The following FBXL20 variants were observed in gnomAD, a reference collection of about 807,000 sequenced individuals.
FBXL20 encodes F-box/LRR-repeat protein 20.
A neutral mutation model predicts 64.0 loss-of-function variants in FBXL20; 11 were observed. The observed-to-expected ratio is 0.17, with a 90% confidence interval of 0.11 to 0.28. FBXL20 has a LOEUF of 0.28. FBXL20 is among the 10% of genes least tolerant of loss of function. The pLI, the probability that FBXL20 is intolerant of heterozygous loss-of-function variation, is 1.00. For missense variants in FBXL20, 303 were observed against 526.2 expected (o/e 0.58, Z 4.15); for synonymous variants, 184 against 189.0 (o/e 0.97, Z 0.22).
At chr17:39,286,952 G>A (rs1182378349) in intron 6 of FBXL20, among the ~76,000 whole-genome samples, 3 of 123,618 alleles carry the variant, frequency 2.4e-5, no homozygotes, top group South Asian at 2.5e-4. Context: ...TGTTCTTGTC[G>A]CTCAGGCTGG....
Position 39,297,234 on chromosome 17 carries a change from G to A in FBXL20, c.330-39C>T, listed in dbSNP as rs551095836. 10 of 1,281,760 alleles carry A rather than the reference G, an allele frequency of 7.8e-6. No homozygotes were observed. In the South Asian group the frequency reaches 1.0e-4, roughly 13 times the overall value. 79.4% of individuals were successfully genotyped at this position (1,281,760 alleles called of 1,614,324 possible). A position where few individuals can be genotyped will look rare whatever the true frequency, so the allele number is the denominator to read the frequency against. Reference sequence around the variant, plus strand: ...AAAGTAAGAGGTTTCAAATGAAATAGGCCAAATTCCAGTCATTAAAAAAGT... The same window carrying A: ...AAAGTAAGAGGTTTCAAATGAAATAAGCCAAATTCCAGTCATTAAAAAAGT... On this transcript the variant is annotated intron_variant, in intron 5 of 14. Coordinates refer to ENST00000264658, the MANE Select transcript of FBXL20 (RefSeq NM_032875.3).
At chr17:39,376,201 C>A (rs2047965613) in intron 1 of FBXL20, among the ~76,000 whole-genome samples, 1 of 152,130 alleles carries the variant, frequency 6.6e-6, no homozygotes, top group Non-Finnish European at 1.5e-5. Context: ...TCCCAAAGAA[C>A]TGTAATGATT....
chr17:39,306,937 C>G (rs866643218), intron 2 of FBXL20, among the ~76,000 whole-genome samples: 1 of 152,134 alleles, frequency 6.6e-6, no homozygotes, highest in African/African-American at 2.4e-5. Context: ...AGCAAGACAC[C>G]AGCAAGGGAC....
At chr17:39,285,889 G>A (rs528381533) in intron 6 of FBXL20, among the ~76,000 whole-genome samples, 1 of 152,174 alleles carries the variant, frequency 6.6e-6, no homozygotes, top group African/African-American at 2.4e-5. Flanking sequence ...TATGCATTTT[G>A]CAAATCCAGA....
In FBXL20 at chr17:39,266,223, G is replaced by GTT. The variant is rs35541270; in HGVS notation, c.934-772_934-771dup. ...AGCTGGGATTACAGGCTAGTTTGTTGTTTTTTTTTTTTTTTGGAGATAGTC... is the reference window on the plus strand; with the variant it reads ...AGCTGGGATTACAGGCTAGTTTGTTGTTTTTTTTTTTTTTTTTGGAGATAGTC... On this transcript the variant is annotated intron_variant, in intron 12 of 14. Transcript: ENST00000264658. 4.3e-3 allele frequency among the ~76,000 whole-genome samples: 470 copies of GTT among 110,238 alleles called. 13 individuals carry two copies. Among genetic ancestry groups the GTT allele is most frequent in the African/African-American group, 0.015 (447 of 30,212 alleles). 72.3% of individuals were successfully genotyped at this position (110,238 alleles called of 152,430 possible). A position where few individuals can be genotyped will look rare whatever the true frequency, so the allele number is the denominator to read the frequency against.
At chr17:39,313,761 G>A (rs1052596890) in intron 2 of FBXL20, among the ~76,000 whole-genome samples, 2 of 151,962 alleles carry the variant, frequency 1.3e-5, no homozygotes, top group Admixed American at 6.6e-5. Context: ...TCAGCTTCCC[G>A]AGTAGCTGGG....
At chr17:39,373,413 G>C (rs1402168294) in intron 1 of FBXL20, among the ~76,000 whole-genome samples, 1 of 152,166 alleles carries the variant, frequency 6.6e-6, no homozygotes, top group African/African-American at 2.4e-5. Flanking sequence ...GTATAGGACT[G>C]CTTAGAACTG....
chr17:39,399,543 A>G (rs2048220340), intron 1 of FBXL20, among the ~76,000 whole-genome samples: 1 of 152,212 alleles, frequency 6.6e-6, no homozygotes, highest in African/African-American at 2.4e-5. Flanking sequence ...AACACTTCAC[A>G]TCATATTAAG....
rs2046982418 is a variant in FBXL20 at position 39,285,641 on chromosome 17, A to G, written c.399-68T>C. On this transcript the variant is annotated intron_variant, in intron 6 of 14. Coordinates refer to ENST00000264658, the MANE Select transcript of FBXL20 (RefSeq NM_032875.3). Reference sequence around the variant, plus strand: ...AGTACACATCCTTGGTATATCAGACACTGTTCTTATTAAACACATGTGTAT... The same window carrying G: ...AGTACACATCCTTGGTATATCAGACGCTGTTCTTATTAAACACATGTGTAT... 3 of 1,024,942 alleles carry G rather than the reference A, an allele frequency of 2.9e-6. No homozygotes were observed. The African/African-American group carries it at 4.9e-5, about 17-fold the overall frequency. 63.5% of individuals were successfully genotyped at this position (1,024,942 alleles called of 1,614,324 possible).
At chr17:39,350,180 C>T (rs977134426) in intron 1 of FBXL20, among the ~76,000 whole-genome samples, 8 of 152,148 alleles carry the variant, frequency 5.3e-5, no homozygotes, top group African/African-American at 1.9e-4. Flanking sequence ...ATGTTGTTCA[C>T]ATGACTTCTA....
At chr17:39,293,948 C>T (rs768451286) in intron 6 of FBXL20, among the ~76,000 whole-genome samples, 5 of 151,796 alleles carry the variant, frequency 3.3e-5, no homozygotes, top group Non-Finnish European at 7.4e-5. Context: ...GCTTGGGCTC[C>T]CCCTCCCTCT....
Position 39,254,658 on chromosome 17 carries a change from G to A in FBXL20, c.*6802C>T, listed in dbSNP as rs1378700929. 6.5e-6 allele frequency: 1 copy of A among 154,440 alleles called. No individual in the cohort carries two copies. Among genetic ancestry groups the A allele is most frequent in the Non-Finnish European group, 1.5e-5 (1 of 68,206 alleles). 9.6% of individuals were successfully genotyped at this position (154,440 alleles called of 1,614,324 possible). On this transcript the variant is annotated 3_prime_UTR_variant, in exon 15 of 15. Transcript: ENST00000264658. Reference sequence around the variant, plus strand: ...GGGGTGCAGTTGATCAGAGAGGAAAGTAAATGTACCCATGTGTGACACAGC... The same window carrying A: ...GGGGTGCAGTTGATCAGAGAGGAAAATAAATGTACCCATGTGTGACACAGC...
Position 39,391,659 on chromosome 17 carries a change from T to C in FBXL20, c.42+9702A>G, listed in dbSNP as rs532649040. ...CACCTTAAAGCTGTCATTGTCTCCTTATCCAAATTAATTTCAAAATAATAA... is the reference window on the plus strand; with the variant it reads ...CACCTTAAAGCTGTCATTGTCTCCTCATCCAAATTAATTTCAAAATAATAA... On this transcript the variant is annotated intron_variant, in intron 1 of 14. Transcript: ENST00000264658. Among the ~76,000 whole-genome samples the C allele has an allele frequency of 2.0e-5, 3 of 152,184 alleles. No individual in the cohort carries two copies. In the South Asian group the frequency reaches 6.2e-4, roughly 32 times the overall value.
intron 1 of FBXL20, among the ~76,000 whole-genome samples, chr17:39,387,226 G>A (rs1487545325): frequency 1.3e-5 from 2 of 151,724 alleles, no homozygotes; most frequent in African/African-American, 2.4e-5. Flanking sequence ...GCATGCTTAA[G>A]GTAGGTGAGG....
intron 2 of FBXL20, among the ~76,000 whole-genome samples, chr17:39,338,535 AAATAAT>A (rs34989636): frequency 3.9e-4 from 59 of 151,336 alleles, no homozygotes; most frequent in Non-Finnish European, 6.6e-4. Context: ...GATCAATAAA[AAATAAT>A]AATAATAATA....
chr17:39,371,298 T>C (rs2047916240), intron 1 of FBXL20, among the ~76,000 whole-genome samples: 1 of 152,260 alleles, frequency 6.6e-6, no homozygotes, highest in Non-Finnish European at 1.5e-5. Flanking sequence ...ATATACTTTT[T>C]TTAAAAAATC....
chr17:39,349,765 T>TCTCTA (rs906528819), intron 1 of FBXL20, among the ~76,000 whole-genome samples: 3 of 151,868 alleles, frequency 2.0e-5, no homozygotes, highest in Non-Finnish European at 2.9e-5. Context: ...TGAAACCCCA[T>TCTCTA]CTCTACTAAA....
At chr17:39,351,682 AG>A (rs2047688543) in intron 1 of FBXL20, among the ~76,000 whole-genome samples, 1 of 152,204 alleles carries the variant, frequency 6.6e-6, no homozygotes. Flanking sequence ...ATATTAACAC[AG>A]GAAGTATCAT....
chr17:39,269,481 T>A (rs1244660447), intron 11 of FBXL20, among the ~76,000 whole-genome samples: 1 of 140,464 alleles, frequency 7.1e-6, no homozygotes, highest in Non-Finnish European at 1.6e-5. Flanking sequence ...GCGTGAGCCA[T>A]CGCGCCCGGC....
Sources: gnomAD v4.1 joint callset for allele counts (sites outside exome capture counted in the v4.1 genomes callset) on GRCh38, gnomAD v4.1.1 for gene constraint, MANE v1.5 for transcripts, NCBI Gene and HGNC (gene_info 2026-07-23, HGNC 2026-07-21) for gene names.